The following DBH variants were observed in gnomAD, a reference collection of about 807,000 sequenced individuals.
The protein encoded by DBH is dopamine beta-hydroxylase (dopamine beta-monooxygenase).
Under a neutral mutation model 64.0 loss-of-function variants are expected in DBH, and 49 were observed. The observed-to-expected ratio is 0.77, with a 90% CI of 0.61 to 0.97. DBH has a LOEUF of 0.97. Ranked by LOEUF, DBH falls within the 50% of genes least tolerant of loss-of-function variation. The probability of loss-of-function intolerance (pLI) is 0.00; values close to 1 mark genes in which losing one functional copy is unlikely to be tolerated. For synonymous variants in DBH, 343 were observed against 347.1 expected (o/e 0.99, Z 0.13); for missense variants, 828 against 826.6 (o/e 1.00, Z -0.02).
chr9:133,653,547 T>G (rs1832276781), intron 9 of DBH, among the ~76,000 whole-genome samples: 2 of 149,694 alleles, frequency 1.3e-5, no homozygotes, highest in East Asian at 2.0e-4. Context: ...GGGGAGGAGG[T>G]GAAGGAAGGC....
chr9:133,651,877 TG>T, intron 7 of DBH, 100 bp downstream of exon 7: 1 of 1,289,510 alleles, frequency 7.8e-7, no homozygotes. Flanking sequence ...GGCTCCAGGC[TG>T]GCTTCTTTTT....
At chr9:133,637,624 G>C (rs970493135) in intron 1 of DBH, among the ~76,000 whole-genome samples, 1 of 152,240 alleles carries the variant, frequency 6.6e-6, no homozygotes, top group Non-Finnish European at 1.5e-5. Flanking sequence ...GTGCGGAGCG[G>C]CCGGCTCCAG....
intron 1 of DBH, among the ~76,000 whole-genome samples, chr9:133,637,627 G>A (rs930419043): frequency 2.0e-5 from 3 of 152,220 alleles, no homozygotes; most frequent in Admixed American, 6.5e-5. Context: ...CGGAGCGGCC[G>A]GCTCCAGCTC....
At position 133,643,326 on chromosome 9, in the gene DBH, G is replaced by T; in HGVS notation, c.745-87G>T. 7.2e-7 allele frequency: 1 copy of T among 1,390,188 alleles called. No homozygotes were observed. 86.1% of individuals were successfully genotyped at this position (1,390,188 alleles called of 1,614,324 possible). ...GGATCATCCCTCCCATTTTACAGAT[G>T]GGCATTCGGAAGCCCATGGAGGAGG... On this transcript the variant is annotated intron_variant, in intron 3 of 11. Coordinates refer to ENST00000393056, the MANE Select transcript of DBH (RefSeq NM_000787.4). The surrounding 1 kb of genome is among the most constrained non-coding windows in gnomAD (Gnocchi z 5.3).
Position 133,647,950 on chromosome 9 carries a change from A to C in DBH, c.1129A>C (p.Ile377Leu), listed in dbSNP as rs1832202575. The C allele has an allele frequency of 1.1e-5, 17 of 1,613,974 alleles. No individual in the cohort carries two copies. Among genetic ancestry groups the C allele is most frequent in the African/African-American group, 1.3e-5 (1 of 74,954 alleles). ...LGLVYTPVMA[I>L]PPRETAFILT... ...ACTGGTGTACACGCCAGTGATGGCC[A>C]TTCCACCACGGGAGACCGCCTTCAT... The change falls in exon 6 of 12, where the codon ATT becomes CTT. Residue 377 changes from isoleucine to leucine, a missense_variant. Physicochemically the swap from Ile to Leu is conservative, Grantham distance 5. Coordinates refer to ENST00000393056, the MANE Select transcript of DBH (RefSeq NM_000787.4).
intron 1 of DBH, among the ~76,000 whole-genome samples, chr9:133,639,296 G>T (rs1265927921): frequency 6.6e-6 from 1 of 151,758 alleles, no homozygotes; most frequent in Non-Finnish European, 1.5e-5. Context: ...TGTTCTCAGG[G>T]TTGTGCCAGT....
chr9:133,641,304 G>C (rs1351762665), intron 2 of DBH, among the ~76,000 whole-genome samples: 1 of 152,328 alleles, frequency 6.6e-6, no homozygotes, highest in East Asian at 1.9e-4. Context: ...TGCCAGAAGA[G>C]GTGTTCTTCC....
Position 133,658,603 on chromosome 9 carries a change from C to T in DBH, c.*156C>T, listed in dbSNP as rs1832368055. 1.1e-6 allele frequency: 1 copy of T among 869,848 alleles called. No individual in the cohort carries two copies. The allele number at this position is 869,848 out of a possible 1,614,324, so 53.9% of individuals were successfully genotyped here. ...TGCCTGAGACCACGGTCCAATCCAG[C>T]CTTCTTCCCCCAGGGTCCCCTGCAT... On this transcript the variant is annotated 3_prime_UTR_variant, in exon 12 of 12. Transcript: ENST00000393056.
rs765575389 is a variant in DBH at position 133,643,794 on chromosome 9, CA to C, written c.921+206del. 1.1e-4 allele frequency among the ~76,000 whole-genome samples: 16 copies of C among 152,304 alleles called. No individual in the cohort carries two copies. The highest frequency in any genetic ancestry group is 3.4e-3 in the Middle Eastern group (1 of 294). On this transcript the variant is annotated intron_variant, in intron 4 of 11. Transcript: ENST00000393056. This position sits in a 1 kb window ranked among gnomAD's most constrained non-coding sequence, Gnocchi z 5.3. ...CTTCAAGCCTTTTTTTTATTTTCCA[CA>C]GAAACGCAAGTGCCGCAGGACCTTA... is the stretch of plus-strand genomic sequence containing the variant.
chr9:133,650,146 C>T (rs1456951216), intron 6 of DBH, among the ~76,000 whole-genome samples: 1 of 152,184 alleles, frequency 6.6e-6, no homozygotes, highest in Non-Finnish European at 1.5e-5. Flanking sequence ...CTTTGGGCTC[C>T]CAGGCCTGGC....
chr9:133,655,282 C>G (rs1832302216), intron 9 of DBH: 1 of 152,228 alleles, frequency 6.6e-6, no homozygotes, highest in Non-Finnish European at 1.5e-5. Context: ...GACACAGTGG[C>G]CTTTGAAATT....
At chr9:133,644,462 C>A in intron 5 of DBH, 142 bp downstream of exon 5, 1 of 745,168 alleles carries the variant, frequency 1.3e-6, no homozygotes. Flanking sequence ...GCGTCTGCCT[C>A]ATCCGCTGTC....
Position 133,643,133 on chromosome 9 carries a change from G to A in DBH, c.745-280G>A, listed in dbSNP as rs1459459010. Reference sequence around the variant, plus strand: ...CCTGCCTCCCACTGGGGCTGCAGGAGCTGGCCCGGCCACAGCCCCATATGC... The same window carrying A: ...CCTGCCTCCCACTGGGGCTGCAGGAACTGGCCCGGCCACAGCCCCATATGC... On this transcript the variant is annotated intron_variant, in intron 3 of 11. Transcript: ENST00000393056. The surrounding 1 kb of genome is among the most constrained non-coding windows in gnomAD (Gnocchi z 5.3). 3.9e-5 allele frequency among the ~76,000 whole-genome samples: 6 copies of A among 152,284 alleles called. No individual in the cohort carries two copies. The highest frequency in any genetic ancestry group is 2.1e-4 in the South Asian group (1 of 4,828).
chr9:133,642,100 G>GGT, intron 2 of DBH, 107 bp from the exon 3 acceptor site: 1 of 1,456,316 alleles, frequency 6.9e-7, no homozygotes. Flanking sequence ...ATGAGAGTGA[G>GGT]GTGTGTCACC....
chr9:133,646,577 T>C (rs1832184571), intron 5 of DBH, among the ~76,000 whole-genome samples: 1 of 152,130 alleles, frequency 6.6e-6, no homozygotes, highest in East Asian at 1.9e-4. Flanking sequence ...CAGGCTGGAG[T>C]GCAATGCACG....
At chr9:133,650,630 C>A (rs746946817) in intron 6 of DBH, among the ~76,000 whole-genome samples, 1 of 148,694 alleles carries the variant, frequency 6.7e-6, no homozygotes, top group Non-Finnish European at 1.5e-5. Flanking sequence ...TCACTGCAAC[C>A]TCTGCCTCCC....
At chr9:133,637,962 G>A (rs1222504797) in intron 1 of DBH, among the ~76,000 whole-genome samples, 1 of 152,256 alleles carries the variant, frequency 6.6e-6, no homozygotes, top group East Asian at 1.9e-4. Flanking sequence ...TCAGCCGTCT[G>A]GAGGAGCAGC....
rs768140406 is a variant in DBH, at chr9:133,636,657, G to A, written c.286G>A (p.Glu96Lys). Reference sequence around the variant, plus strand: ...TGGGATGTCCGACCGTGGCGAGCTTGAGAACGCAGATCTCGTGGTGCTCTG... The same window carrying A: ...TGGGATGTCCGACCGTGGCGAGCTTAAGAACGCAGATCTCGTGGTGCTCTG... ...LFGMSDRGEL[E>K]NADLVVLWTD... is the part of the protein sequence containing the mutation. Residue 96 changes from glutamate to lysine, a missense_variant, in exon 1 of 12, where the codon GAG becomes AAG. By Grantham distance (56) the Glu-to-Lys change is moderately conservative. Coordinates refer to ENST00000393056, the MANE Select transcript of DBH (RefSeq NM_000787.4). 6.2e-7 allele frequency: 1 copy of A among 1,611,134 alleles called. No individual in the cohort carries two copies. Among genetic ancestry groups the A allele is most frequent in the African/African-American group, 1.3e-5 (1 of 75,040 alleles).
intron 11 of DBH, 139 bp from the exon 12 acceptor site, chr9:133,658,176 TG>T: frequency 1.7e-6 from 2 of 1,169,386 alleles, no homozygotes; most frequent in Non-Finnish European, 2.5e-6. Context: ...AAAAGCAACT[TG>T]GGGGAGCAGA....
Sources: gnomAD v4.1 joint callset for allele counts (sites outside exome capture counted in the v4.1 genomes callset) on GRCh38, gnomAD v4.1.1 for gene constraint, Gnocchi (gnomAD v3.1) non-coding constraint, MANE v1.5 for transcripts, NCBI Gene and HGNC (gene_info 2026-07-23, HGNC 2026-07-21) for gene names.